MROH9: variants seen among roughly 807,000 people sequenced by gnomAD.
MROH9 encodes maestro heat-like repeat-containing protein family member 9.
Under a neutral mutation model 98.2 loss-of-function variants are expected in MROH9, and 92 were observed. The ratio of observed to expected loss-of-function variants is 0.94; its 90% confidence interval spans 0.79 to 1.11. The LOEUF (loss-of-function observed/expected upper bound fraction) is 1.11, where lower values mean the gene tolerates loss of function less well. Ranked by LOEUF, MROH9 falls within the 50% of genes most tolerant of loss-of-function variation. The probability of loss-of-function intolerance (pLI) is 0.00; values close to 1 mark genes in which losing one functional copy is unlikely to be tolerated. For missense variants in MROH9, 1,057 were observed against 1,014.8 expected (o/e 1.04, Z -0.57); for synonymous variants, 397 against 368.9 (o/e 1.08, Z -0.87).
At position 170,974,435 on chromosome 1, in the gene MROH9, A is replaced by T. The variant is rs75676722; in HGVS notation, c.616+2552A>T. ...AGCCAAAGAGGAAAAAGGACATTAC[A>T]TATAGAGAAACAAAGATAAGGGTGA... On this transcript the variant is annotated intron_variant, in intron 8 of 21. Coordinates refer to ENST00000367759, the MANE Select transcript of MROH9 (RefSeq NM_001163629.2). 4.6e-5 allele frequency among the ~76,000 whole-genome samples: 7 copies of T among 152,234 alleles called. No individual in the cohort carries two copies. In the East Asian group the frequency reaches 1.3e-3, roughly 29 times the overall value.
intron 8 of MROH9, among the ~76,000 whole-genome samples, chr1:170,981,770 A>C (rs1468420137): frequency 6.6e-6 from 1 of 152,096 alleles, no homozygotes; most frequent in Admixed American, 6.6e-5. Context: ...CTATGAAAAA[A>C]GACAACCAAA....
chr1:170,969,199 G>T (rs1245106976), intron 7 of MROH9, among the ~76,000 whole-genome samples: 1 of 151,984 alleles, frequency 6.6e-6, no homozygotes, highest in African/African-American at 2.4e-5. Flanking sequence ...ACAGATAAAT[G>T]AACAAATAAA....
At chr1:171,056,297 C>A (rs1397839549) in intron 20 of MROH9, among the ~76,000 whole-genome samples, 1 of 152,204 alleles carries the variant, frequency 6.6e-6, no homozygotes, top group Non-Finnish European at 1.5e-5. Context: ...TGCTTTTCCC[C>A]TGCTGGAACC....
rs202034623 is a variant in MROH9, at chr1:170,959,473, C to T, written c.164C>T (p.Pro55Leu). ...ILAVNSSFVD[P>L]LLQFESQLKI... ...CTTTTTCTTGTCAGCTTTGTGGATC[C>T]CTTACTGCAGTTTGAATCTCAGTTG... The change falls in exon 5 of 22, where the codon CCC becomes CTC. Residue 55 changes from proline to leucine, a missense_variant. By Grantham distance (98) the Pro-to-Leu change is moderately conservative. Transcript: ENST00000367759. 1.9e-6 allele frequency: 3 copies of T among 1,606,606 alleles called. No individual in the cohort carries two copies. Among genetic ancestry groups the T allele is most frequent in the South Asian group, 2.3e-5 (2 of 88,848 alleles).
In MROH9 at chr1:170,946,366, A is replaced by G. The variant is rs1005581488; in HGVS notation, c.25+785A>G. On this transcript the variant is annotated intron_variant, in intron 2 of 21. Coordinates refer to ENST00000367759, the MANE Select transcript of MROH9 (RefSeq NM_001163629.2). ...CTCTTCAAAACTGTCAAGGTCATAA[A>G]CAAGGAAAGACTGCTAAACTGTTAG... is the stretch of plus-strand genomic sequence containing the variant. Among the ~76,000 whole-genome samples, 4 of 151,992 alleles carry G rather than the reference A, an allele frequency of 2.6e-5. No homozygotes were observed. In the East Asian group the frequency reaches 5.8e-4, roughly 22 times the overall value.
intron 20 of MROH9, among the ~76,000 whole-genome samples, chr1:171,044,332 G>A (rs997171363): frequency 3.3e-5 from 5 of 152,100 alleles, no homozygotes; most frequent in African/African-American, 1.2e-4. Flanking sequence ...CATGATGGAT[G>A]ATCTTTCTAA....
At chr1:170,949,386 G>A (rs1649461926) in intron 3 of MROH9, among the ~76,000 whole-genome samples, 1 of 152,030 alleles carries the variant, frequency 6.6e-6, no homozygotes, top group Admixed American at 6.6e-5. Context: ...GGAAATAACA[G>A]GAGTTGTGGA....
At chr1:171,025,477 A>G in intron 20 of MROH9, 57 bp downstream of exon 20, 1 of 1,120,310 alleles carries the variant, frequency 8.9e-7, no homozygotes, top group South Asian at 1.4e-5. Flanking sequence ...AGAATGGAGA[A>G]GAAACTAAAA....
Position 170,965,161 on chromosome 1 carries a change from T to A in MROH9, c.386T>A (p.Val129Glu). ...TTATGTTTCCAACAGGAAATGCTCG[T>A]GTGGATGAGTAAAGATAGCTCATAT... Reference protein sequence around the residue: ...YKLQILKEMLVWMSKDSSYLQ... With the variant: ...YKLQILKEMLEWMSKDSSYLQ... Residue 129 changes from valine to glutamate, a missense_variant, in exon 7 of 22, where the codon GTG becomes GAG. Coordinates refer to ENST00000367759, the MANE Select transcript of MROH9 (RefSeq NM_001163629.2). 6.2e-7 allele frequency: 1 copy of A among 1,607,620 alleles called. No homozygotes were observed. Among genetic ancestry groups the A allele is most frequent in the Non-Finnish European group, 8.5e-7 (1 of 1,175,452 alleles).
Position 170,958,444 on chromosome 1 carries a change from T to TA in MROH9, c.73-17_73-16insA. ...ATTAATTCTTCTTTTTTTTTTTTTT[T>TA]TTAACATGGTACTTAGGCACATAAA... On this transcript the variant is annotated splice_polypyrimidine_tract_variant and intron_variant, in intron 3 of 21. Coordinates refer to ENST00000367759, the MANE Select transcript of MROH9 (RefSeq NM_001163629.2). The TA allele has an allele frequency of 6.8e-7, 1 of 1,472,834 alleles. No homozygotes were observed. The highest frequency in any genetic ancestry group is 9.3e-7 in the Non-Finnish European group (1 of 1,076,000). The allele number at this position is 1,472,834 out of a possible 1,614,324, so 91.2% of individuals were successfully genotyped here. A position where few individuals can be genotyped will look rare whatever the true frequency, so the allele number is the denominator to read the frequency against.
chr1:170,942,650 G>T (rs1649170443), intron 1 of MROH9, among the ~76,000 whole-genome samples: 1 of 152,058 alleles, frequency 6.6e-6, no homozygotes, highest in South Asian at 2.1e-4. Context: ...GCCTGGAATA[G>T]GACTTTTGTT....
rs560905784 is a variant in MROH9 at position 170,971,570 on chromosome 1, A to G, written c.481-178A>G. On this transcript the variant is annotated intron_variant, in intron 7 of 21. Transcript: ENST00000367759. ...TTACAAAGTGGAATTTATTGTCTTC[A>G]TTTCACAGATGAGGAAATTGAGAGT... Among the ~76,000 whole-genome samples the G allele has an allele frequency of 2.6e-5, 4 of 152,300 alleles. No homozygotes were observed. The South Asian group carries it at 8.3e-4, about 32-fold the overall frequency.
intron 3 of MROH9, among the ~76,000 whole-genome samples, chr1:170,948,269 T>C (rs1385632080): frequency 6.6e-6 from 1 of 152,016 alleles, no homozygotes; most frequent in Admixed American, 6.6e-5. Flanking sequence ...TGTAATCTTC[T>C]ACCTTTACAA....
intron 8 of MROH9, among the ~76,000 whole-genome samples, chr1:170,979,087 C>T (rs1289865915): frequency 2.6e-5 from 4 of 152,164 alleles, no homozygotes; most frequent in African/African-American, 7.2e-5. Context: ...TATTTTTATA[C>T]ATAATGCTAT....
chr1:171,063,227 C>T (rs947394890), intron 21 of MROH9, among the ~76,000 whole-genome samples: 1 of 148,368 alleles, frequency 6.7e-6, no homozygotes, highest in Non-Finnish European at 1.5e-5. Context: ...ATGATATTAA[C>T]ATTTTGGTAT....
At chr1:171,060,288 G>C (rs1653972219) in intron 20 of MROH9, among the ~76,000 whole-genome samples, 1 of 152,120 alleles carries the variant, frequency 6.6e-6, no homozygotes, top group African/African-American at 2.4e-5. Context: ...TTTTAAAAGA[G>C]TTCCATACAG....
At chr1:170,953,555 C>T (rs577645089) in intron 3 of MROH9, among the ~76,000 whole-genome samples, 1 of 151,928 alleles carries the variant, frequency 6.6e-6, no homozygotes, top group East Asian at 1.9e-4. Flanking sequence ...TCTTTTGTCC[C>T]ATTCTTATGT....
At chr1:171,019,648 CAA>C (rs79714149) in intron 17 of MROH9, among the ~76,000 whole-genome samples, 8 of 139,012 alleles carry the variant, frequency 5.8e-5, no homozygotes, top group Admixed American at 1.4e-4. Context: ...GAGACTCCAT[CAA>C]AAAAAAAAAA....
chr1:171,042,407 G>C (rs1330164246), intron 20 of MROH9, among the ~76,000 whole-genome samples: 2 of 152,004 alleles, frequency 1.3e-5, no homozygotes, highest in East Asian at 3.8e-4. Flanking sequence ...GAACATTTAG[G>C]TTGCTTCCAA....
Sources: allele counts gnomAD v4.1 joint callset (sites outside exome capture counted in the v4.1 genomes callset), GRCh38; gene constraint gnomAD v4.1.1; transcripts MANE v1.5; gene names NCBI Gene and HGNC (gene_info 2026-07-23, HGNC 2026-07-21).